Variants in THOC7 observed in about 807,000 individuals in gnomAD.
THOC7 encodes THO complex subunit 7, also known as NIF3L1-binding protein 1.
Under a neutral mutation model 33.1 loss-of-function variants are expected in THOC7, and 22 were observed. The ratio of observed to expected loss-of-function variants is 0.66; its 90% CI spans 0.47 to 0.95. The LOEUF is 0.95. Ranked by LOEUF, THOC7 falls within the 40% of genes least tolerant of loss-of-function variation. The pLI, the probability that THOC7 is intolerant of heterozygous loss-of-function variation, is 0.00. For missense variants in THOC7, 184 were observed against 245.3 expected (o/e 0.75, Z 1.67); for synonymous variants, 77 against 76.8 (o/e 1.00, Z -0.01).
At position 63,836,288 on chromosome 3, in the gene THOC7, G is replaced by C. The variant is rs374998638; in HGVS notation, c.410+13C>G. 4 of 1,610,902 alleles carry C rather than the reference G, an allele frequency of 2.5e-6. No homozygotes were observed. The highest frequency in any genetic ancestry group is 3.4e-6 in the Non-Finnish European group (4 of 1,178,012). ...AAAGGTTAGTTCCTTTCAAAGTAAAGCTCTACACTTACTTTAATGTCTCAT... is the reference window on the plus strand; with the variant it reads ...AAAGGTTAGTTCCTTTCAAAGTAAACCTCTACACTTACTTTAATGTCTCAT... On this transcript the variant is annotated intron_variant, in intron 5 of 7. Coordinates refer to ENST00000295899, the MANE Select transcript of THOC7 (RefSeq NM_025075.4).
At chr3:63,839,203 T>C (rs564360559) in intron 2 of THOC7, among the ~76,000 whole-genome samples, 2 of 152,144 alleles carry the variant, frequency 1.3e-5, no homozygotes, top group Non-Finnish European at 2.9e-5. Context: ...AAAAAAAAGA[T>C]TAGATATACG....
intron 1 of THOC7, among the ~76,000 whole-genome samples, chr3:63,856,416 CAA>C (rs1053004588): frequency 1.6e-4 from 25 of 152,084 alleles, no homozygotes; most frequent in African/African-American, 6.0e-4. Context: ...ATGTTTATAA[CAA>C]ATGATAAATG....
chr3:63,861,042 A>G (rs1015324229), intron 1 of THOC7: 1 of 152,146 alleles, frequency 6.6e-6, no homozygotes, highest in African/African-American at 2.4e-5. Context: ...TAGTAAAACA[A>G]CTCTGACATT....
At chr3:63,853,146 G>C (rs1702048547) in intron 1 of THOC7, among the ~76,000 whole-genome samples, 1 of 138,392 alleles carries the variant, frequency 7.2e-6, no homozygotes, top group Non-Finnish European at 1.5e-5. Flanking sequence ...ATGAGACTCT[G>C]TCTCAAAAAA....
intron 1 of THOC7, among the ~76,000 whole-genome samples, chr3:63,858,682 A>T (rs1229148695): frequency 6.6e-6 from 1 of 152,244 alleles, no homozygotes; most frequent in Non-Finnish European, 1.5e-5. Flanking sequence ...TACAGTTAAC[A>T]TAGTTTAAAT....
chr3:63,859,147 C>G (rs1258413094), intron 1 of THOC7, among the ~76,000 whole-genome samples: 2 of 152,212 alleles, frequency 1.3e-5, no homozygotes, highest in African/African-American at 2.4e-5. Flanking sequence ...TCGCTCTAAT[C>G]CAAGCCCACA....
chr3:63,837,931 G>C (rs1701668280), intron 4 of THOC7, 45 bp downstream of exon 4: 1 of 1,529,142 alleles, frequency 6.5e-7, no homozygotes, highest in Non-Finnish European at 8.9e-7. Flanking sequence ...GAAAACTGTA[G>C]TCAGTAATAA....
chr3:63,862,778 C>T (rs1237239690), intron 1 of THOC7, among the ~76,000 whole-genome samples: 1 of 152,108 alleles, frequency 6.6e-6, no homozygotes, highest in South Asian at 2.1e-4. Flanking sequence ...CCCTAGATAT[C>T]CCCTTCCCAG....
chr3:63,836,612 G>C (rs907767255), intron 4 of THOC7, among the ~76,000 whole-genome samples: 1 of 151,878 alleles, frequency 6.6e-6, no homozygotes, highest in African/African-American at 2.4e-5. Context: ...GAACGTAAGA[G>C]GTCAGCATAA....
chr3:63,863,496 C>A, intron 1 of THOC7: 1 of 1,179,702 alleles, frequency 8.5e-7, no homozygotes, highest in Non-Finnish European at 1.0e-6. Context: ...ACCACGCTCC[C>A]GGCACACCCT....
intron 1 of THOC7, among the ~76,000 whole-genome samples, chr3:63,847,013 T>C (rs1701912084): frequency 6.6e-6 from 1 of 152,098 alleles, no homozygotes; most frequent in Admixed American, 6.6e-5. Flanking sequence ...AACAGCAGTT[T>C]CCAAAAATTC....
rs570033021 is a variant in THOC7 at position 63,840,393 on chromosome 3, A to G, written c.20-620T>C. On this transcript the variant is annotated intron_variant, in intron 1 of 7. Transcript: ENST00000295899. ...TATCACTTGAGCCCAGGAGTTTGAGACCAGCCTGACCAACACAGTGAGACT... is the reference window on the plus strand; with the variant it reads ...TATCACTTGAGCCCAGGAGTTTGAGGCCAGCCTGACCAACACAGTGAGACT... Among the ~76,000 whole-genome samples, 3 of 152,180 alleles carry G rather than the reference A, an allele frequency of 2.0e-5. No homozygotes were observed. The East Asian group carries it at 5.8e-4, about 29-fold the overall frequency.
At chr3:63,852,306 T>C (rs1466902507) in intron 1 of THOC7, among the ~76,000 whole-genome samples, 1 of 152,090 alleles carries the variant, frequency 6.6e-6, no homozygotes, top group African/African-American at 2.4e-5. Context: ...ATAGATACCC[T>C]GGAAGGATAT....
In THOC7 at chr3:63,863,558, G is replaced by C. The variant is rs1702292126; in HGVS notation, c.19+214C>G. 6.7e-6 allele frequency: 8 copies of C among 1,196,394 alleles called. No individual in the cohort carries two copies. The South Asian group carries it at 3.0e-4, about 45-fold the overall frequency. The allele number at this position is 1,196,394 out of a possible 1,614,324, so 74.1% of individuals were successfully genotyped here. ...CGGACGGGGAAAGCCGAGGGTCTCC[G>C]AGGGGCGCTCGGGCTCTGGCGAGAG... On this transcript the variant is annotated intron_variant, in intron 1 of 7. Coordinates refer to ENST00000295899, the MANE Select transcript of THOC7 (RefSeq NM_025075.4).
At chr3:63,863,516 C>T (rs1702289402) in intron 1 of THOC7, 1 of 1,189,282 alleles carries the variant, frequency 8.4e-7, no homozygotes, top group Admixed American at 4.5e-5. Context: ...TATAGCCCCG[C>T]GCTGCCTCCG....
At chr3:63,857,648 G>C (rs1255382921) in intron 1 of THOC7, among the ~76,000 whole-genome samples, 4 of 152,136 alleles carry the variant, frequency 2.6e-5, no homozygotes, top group Non-Finnish European at 4.4e-5. Flanking sequence ...ACACATAAAA[G>C]GTGGGTGGAA....
At chr3:63,858,112 G>C (rs1311516790) in intron 1 of THOC7, among the ~76,000 whole-genome samples, 1 of 152,190 alleles carries the variant, frequency 6.6e-6, no homozygotes, top group African/African-American at 2.4e-5. Flanking sequence ...GCAAACACTT[G>C]CACAGCATTT....
Position 63,852,062 on chromosome 3 carries a change from T to C in THOC7, c.19+11710A>G, listed in dbSNP as rs1346114494. On this transcript the variant is annotated intron_variant, in intron 1 of 7. Transcript: ENST00000295899. Reference sequence around the variant, plus strand: ...GCACAGTGCTCCTCGGCCACCCCAGTTGTGGTTCAAGAAGGCCCAAGTGCA... The same window carrying C: ...GCACAGTGCTCCTCGGCCACCCCAGCTGTGGTTCAAGAAGGCCCAAGTGCA... Among the ~76,000 whole-genome samples, 5 of 152,220 alleles carry C rather than the reference T, an allele frequency of 3.3e-5. No homozygotes were observed. In the East Asian group the frequency reaches 9.7e-4, roughly 30 times the overall value.
At chr3:63,853,154 A>G (rs1702048816) in intron 1 of THOC7, among the ~76,000 whole-genome samples, 1 of 150,672 alleles carries the variant, frequency 6.6e-6, no homozygotes, top group African/African-American at 2.5e-5. Context: ...CTGTCTCAAA[A>G]AAGAAAAAAA....
Sources: gnomAD v4.1 joint callset for allele counts (sites outside exome capture counted in the v4.1 genomes callset) on GRCh38, gnomAD v4.1.1 for gene constraint, MANE v1.5 for transcripts, NCBI Gene and HGNC (gene_info 2026-07-23, HGNC 2026-07-21) for gene names.